The following SUGP2 variants were observed in gnomAD, a reference collection of about 807,000 sequenced individuals.
SUGP2 encodes the protein SURP and G-patch domain-containing protein 2.
SUGP2 carries 24 observed loss-of-function variants against 90.5 expected under a neutral mutation model. The observed-to-expected ratio is 0.27, with a 90% CI of 0.19 to 0.37. The LOEUF (loss-of-function observed/expected upper bound fraction) is 0.37, where lower values mean the gene tolerates loss of function less well. Among genes scored for constraint, SUGP2 ranks in the 10% least tolerant of loss-of-function variants. The pLI, the probability that SUGP2 is intolerant of heterozygous loss-of-function variation, is 1.00. For synonymous variants in SUGP2, 473 were observed against 513.4 expected (o/e 0.92, Z 1.06); for missense variants, 1,233 against 1,363.3 (o/e 0.90, Z 1.51).
chr19:19,030,141 C>T (rs2145761123), intron 2 of SUGP2, among the ~76,000 whole-genome samples: 1 of 151,030 alleles, frequency 6.6e-6, no homozygotes, highest in African/African-American at 2.4e-5. Flanking sequence ...AGCAAGACTC[C>T]ATATCTATTA....
chr19:19,021,180 A>AAG (rs58208553), intron 3 of SUGP2, among the ~76,000 whole-genome samples: 4 of 150,390 alleles, frequency 2.7e-5, no homozygotes, highest in African/African-American at 7.3e-5. Flanking sequence ...AAAAAAAAAA[A>AAG]GCAAAGAATG....
chr19:19,010,604 T>C (rs2058273247), intron 4 of SUGP2, among the ~76,000 whole-genome samples: 2 of 152,196 alleles, frequency 1.3e-5, no homozygotes, highest in Non-Finnish European at 2.9e-5. Context: ...CTCCCAGCTC[T>C]TGATGGCCTG....
At chr19:18,995,862 G>A (rs1253502735) in intron 8 of SUGP2, among the ~76,000 whole-genome samples, 3 of 152,182 alleles carry the variant, frequency 2.0e-5, no homozygotes, top group African/African-American at 7.2e-5. Context: ...AGACCTCACT[G>A]AGAGCTAGTA....
At chr19:19,010,365 C>A in intron 4 of SUGP2, 23 bp from the exon 5 acceptor site, 1 of 1,598,002 alleles carries the variant, frequency 6.3e-7, no homozygotes, top group Non-Finnish European at 8.5e-7. Context: ...ACAAGCATAA[C>A]GGGACATTTA....
At chr19:19,007,826 C>T (rs1438126470) in intron 6 of SUGP2, among the ~76,000 whole-genome samples, 1 of 141,428 alleles carries the variant, frequency 7.1e-6, no homozygotes, top group South Asian at 2.4e-4. Context: ...GTGGCTCAAT[C>T]TCAGCTCACT....
intron 8 of SUGP2, among the ~76,000 whole-genome samples, chr19:18,995,723 G>A (rs1332847455): frequency 5.3e-5 from 8 of 152,128 alleles, no homozygotes; most frequent in African/African-American, 1.2e-4. Flanking sequence ...GAACTGGCTG[G>A]CAGCACCCTC....
At chr19:19,033,643 C>G, upstream of SUGP2, 5 of 1,043,026 alleles carry the variant, frequency 4.8e-6, no homozygotes, top group African/African-American at 1.7e-5. Context: ...TCCGCTTCTT[C>G]TGGGCGGACG....
intron 7 of SUGP2, among the ~76,000 whole-genome samples, chr19:19,003,051 C>G (rs1215944454): frequency 6.6e-6 from 1 of 152,210 alleles, no homozygotes; most frequent in Non-Finnish European, 1.5e-5. Flanking sequence ...TCAAGCGATC[C>G]TCTTGCCTCA....
chr19:19,023,428 A>C (rs939584931), intron 3 of SUGP2, among the ~76,000 whole-genome samples: 6 of 152,246 alleles, frequency 3.9e-5, no homozygotes, highest in Middle Eastern at 6.8e-3. Context: ...CCTGGCCTCA[A>C]GCAATCCTCC....
At position 19,001,607 on chromosome 19, in the gene SUGP2, G is replaced by A. The variant is rs1191864000; in HGVS notation, c.2991+6C>T. On this transcript the variant is annotated splice_donor_region_variant and intron_variant, in intron 8 of 10. Coordinates refer to ENST00000452918, the MANE Select transcript of SUGP2 (RefSeq NM_001017392.5). Reference sequence around the variant, plus strand: ...TTGAGTGAGGACTACCAATGATTACGCTCACCTTCTTTTTGGACATGGGAC... The same window carrying A: ...TTGAGTGAGGACTACCAATGATTACACTCACCTTCTTTTTGGACATGGGAC... 6.2e-6 allele frequency: 10 copies of A among 1,613,844 alleles called. No homozygotes were observed. The highest frequency in any genetic ancestry group is 2.7e-5 in the African/African-American group (2 of 74,914).
intron 1 of SUGP2, 71 bp downstream of exon 1, chr19:19,033,366 G>A: frequency 4.3e-6 from 5 of 1,174,276 alleles, no homozygotes; most frequent in Non-Finnish European, 4.2e-6. Context: ...CCCGGGGCGG[G>A]CCCCCAAGGC....
intron 3 of SUGP2, among the ~76,000 whole-genome samples, chr19:19,020,827 A>G (rs1697106320): frequency 6.6e-6 from 1 of 152,126 alleles, no homozygotes; most frequent in African/African-American, 2.4e-5. Context: ...TTCGAATGGT[A>G]AGATTGTTTA....
intron 3 of SUGP2, among the ~76,000 whole-genome samples, chr19:19,022,404 T>C (rs1336788078): frequency 6.6e-6 from 1 of 152,172 alleles, no homozygotes; most frequent in Non-Finnish European, 1.5e-5. Context: ...GCTAACTACA[T>C]GTGAACCCAG....
At chr19:19,028,124 A>T (rs2059005278) in intron 2 of SUGP2, among the ~76,000 whole-genome samples, 1 of 152,164 alleles carries the variant, frequency 6.6e-6, no homozygotes, top group African/African-American at 2.4e-5. Flanking sequence ...GGCAGCTCCC[A>T]AACTCTGCTA....
At chr19:19,030,822 C>T in intron 2 of SUGP2, 129 bp downstream of exon 2, 1 of 1,106,610 alleles carries the variant, frequency 9.0e-7, no homozygotes, top group Non-Finnish European at 1.3e-6. Flanking sequence ...ACCTTTACCT[C>T]CTCCTAAATA....
chr19:19,025,440 T>C lies in SUGP2; in HGVS notation c.908A>G (p.Asp303Gly), dbSNP rs760076630. Residue 303 changes from aspartate to glycine, a missense_variant, in exon 3 of 11, where the codon GAT becomes GGT. Transcript: ENST00000452918. Reference sequence around the variant, plus strand: ...TCTGGGGAGCCGAAGATTCTTCAGATCCAGCCCCAGAGGGATCTTCTGAAT... The same window carrying C: ...TCTGGGGAGCCGAAGATTCTTCAGACCCAGCCCCAGAGGGATCTTCTGAAT... ...FPIQKIPLGL[D>G]LKNLRLPRRK... 1 of 1,614,184 alleles carries C rather than the reference T, an allele frequency of 6.2e-7. No homozygotes were observed. Among genetic ancestry groups the C allele is most frequent in the East Asian group, 2.2e-5 (1 of 44,888 alleles).
intron 3 of SUGP2, 36 bp from the exon 4 acceptor site, chr19:19,019,265 C>T (rs1451702339): frequency 1.3e-6 from 2 of 1,591,784 alleles, no homozygotes; most frequent in East Asian, 4.5e-5. Context: ...GAGAAATATG[C>T]TGAATGTGGG....
intron 3 of SUGP2, among the ~76,000 whole-genome samples, chr19:19,020,582 TAC>T (rs2058687063): frequency 6.6e-6 from 1 of 151,486 alleles, no homozygotes; most frequent in South Asian, 2.1e-4. Flanking sequence ...TAGCTGGGAT[TAC>T]AGACATGCGC....
In SUGP2 at chr19:19,010,332, C is replaced by T. The variant is rs766088837; in HGVS notation, c.1861G>A (p.Asp621Asn). ...TATTTATACTCCAGACTATTTTCAT[C>T]AGACAAAAACCTAGATAACAAAACA... ...KEDPAYWFLS[D>N]ENSLEYKYYK... The change falls in exon 5 of 11, where the codon GAT becomes AAT. Residue 621 changes from aspartate (D) to asparagine (N), a missense_variant. Asp to Asn is a conservative substitution (Grantham distance 23, BLOSUM62 1). This residue lies in a region of SUGP2 where 540 missense variants were observed against 542.6 expected (regional missense o/e 1.00). Transcript: ENST00000452918. 1.2e-6 allele frequency: 2 copies of T among 1,609,306 alleles called. No homozygotes were observed. Among genetic ancestry groups the T allele is most frequent in the Non-Finnish European group, 1.7e-6 (2 of 1,178,574 alleles).
Sources: allele counts gnomAD v4.1 joint callset (sites outside exome capture counted in the v4.1 genomes callset), GRCh38; gene constraint gnomAD v4.1.1; regional missense constraint gnomAD v4.1.1; transcripts MANE v1.5; gene names NCBI Gene and HGNC (gene_info 2026-07-23, HGNC 2026-07-21).